Variants in POU3F3 observed in about 807,000 individuals in gnomAD.
POU3F3 encodes the protein POU class 3 homeobox 3, also known as POU domain, class 3, transcription factor 3.
POU3F3 carries 1 observed loss-of-function variant against 8.6 expected under a neutral mutation model. That is an observed-to-expected ratio of 0.12 (90% CI 0.04 to 0.55). The LOEUF (loss-of-function observed/expected upper bound fraction) is 0.55. POU3F3 is among the 20% of genes least tolerant of loss of function. The pLI is 0.91. For missense variants in POU3F3, 577 were observed against 690.7 expected, an observed-to-expected ratio of 0.84 and a Z score of 1.84; for synonymous variants, 418 against 327.4, an observed-to-expected ratio of 1.28 and a Z score of -2.99.
chr2:104,903,644 G>T, the POU3F3 span, among the ~76,000 whole-genome samples: 1 of 152,150 alleles, frequency 6.6e-6, no homozygotes, highest in Non-Finnish European at 1.5e-5. Context: ...ACACGCAAAT[G>T]GCACCAGGCA....
At chr2:104,878,150 T>C in the POU3F3 span, among the ~76,000 whole-genome samples, 2 of 152,184 alleles carry the variant, frequency 1.3e-5, no homozygotes, top group African/African-American at 4.8e-5. Flanking sequence ...TTGGCTGGTT[T>C]CTAGTAGGTC....
At chr2:104,886,331 C>T in the POU3F3 span, among the ~76,000 whole-genome samples, 41 of 152,216 alleles carry the variant, frequency 2.7e-4, no homozygotes, top group Non-Finnish European at 3.2e-4. Context: ...TTTGGATATA[C>T]GTAGGTAAAC....
the POU3F3 span, among the ~76,000 whole-genome samples, chr2:104,900,340 T>G: frequency 6.6e-6 from 1 of 152,162 alleles, no homozygotes; most frequent in African/African-American, 2.4e-5. Context: ...TAGAAAAATA[T>G]GGAATGGTAA....
the POU3F3 span, chr2:104,865,592 T>A: frequency 6.6e-6 from 1 of 152,226 alleles, no homozygotes; most frequent in Non-Finnish European, 1.5e-5. Context: ...GGCAAGCCCA[T>A]TAAGTCGGCT....
chr2:104,876,157 A>G, the POU3F3 span, among the ~76,000 whole-genome samples: 4 of 152,216 alleles, frequency 2.6e-5, no homozygotes, highest in Admixed American at 6.5e-5. Flanking sequence ...AAAGGGCTAT[A>G]TTATTAGTGA....
rs1676571863 is a variant in POU3F3 at position 104,856,575 on chromosome 2, C to T, written c.1065C>T (p.Phe355=). Reference sequence around the variant, plus strand: ...TGGGCACACTCTACGGCAACGTGTTCTCGCAGACCACCATCTGCCGCTTCG... The same window carrying T: ...TGGGCACACTCTACGGCAACGTGTTTTCGCAGACCACCATCTGCCGCTTCG... ...LALGTLYGNV[F]SQTTICRFEA... Residue 355 remains phenylalanine, a synonymous_variant, in exon 1 of 1, where the codon TTC becomes TTT. Transcript: ENST00000361360. 6.2e-7 allele frequency: 1 copy of T among 1,614,072 alleles called. No individual in the cohort carries two copies. Among genetic ancestry groups the T allele is most frequent in the African/African-American group, 1.3e-5 (1 of 74,940 alleles).
chr2:104,916,833 C>G, the POU3F3 span, among the ~76,000 whole-genome samples: 1 of 152,142 alleles, frequency 6.6e-6, no homozygotes. Context: ...ATCAACTTGA[C>G]TGCACTAAGG....
upstream of POU3F3, among the ~76,000 whole-genome samples, chr2:104,854,039 C>T (rs1483017378): frequency 6.6e-6 from 1 of 152,192 alleles, no homozygotes; most frequent in African/African-American, 2.4e-5. The surrounding 1 kb of genome is among the most constrained non-coding windows in gnomAD (Gnocchi z 4.5). Flanking sequence ...AGCCAATCAG[C>T]GGGGGCCCTG....
At chr2:104,875,267 T>A in the POU3F3 span, among the ~76,000 whole-genome samples, 1 of 152,250 alleles carries the variant, frequency 6.6e-6, no homozygotes. Context: ...TTCCACCTTT[T>A]GGCCATTGTG....
the POU3F3 span, among the ~76,000 whole-genome samples, chr2:104,927,331 G>A: frequency 6.6e-6 from 1 of 151,768 alleles, no homozygotes; most frequent in Non-Finnish European, 1.5e-5. Context: ...CCTTTTGGTG[G>A]CTTTTTAAAG....
At chr2:104,893,061 C>G in the POU3F3 span, among the ~76,000 whole-genome samples, 1 of 152,104 alleles carries the variant, frequency 6.6e-6, no homozygotes, top group Non-Finnish European at 1.5e-5. Context: ...GGTGGCTCTG[C>G]AAAATTAAAT....
At chr2:104,912,013 C>T in the POU3F3 span, among the ~76,000 whole-genome samples, 107 of 152,312 alleles carry the variant, frequency 7.0e-4, 1 homozygote, top group Middle Eastern at 0.01. Flanking sequence ...CTGACTGCAG[C>T]GCGCCTGTTG....
chr2:104,876,969 T>A, the POU3F3 span, among the ~76,000 whole-genome samples: 1 of 152,148 alleles, frequency 6.6e-6, no homozygotes, highest in Non-Finnish European at 1.5e-5. Flanking sequence ...AATTGCTCCA[T>A]CTGCCCCCAA....
chr2:104,886,884 G>A, the POU3F3 span, among the ~76,000 whole-genome samples: 1 of 151,674 alleles, frequency 6.6e-6, no homozygotes, highest in Non-Finnish European at 1.5e-5. Flanking sequence ...CTCCAGACTG[G>A]GTGACAAGAG....
the POU3F3 span, among the ~76,000 whole-genome samples, chr2:104,894,451 G>A: frequency 6.6e-6 from 1 of 152,136 alleles, no homozygotes; most frequent in Non-Finnish European, 1.5e-5. Context: ...TGGGTTCCCG[G>A]TCACAGCCCC....
chr2:104,913,695 T>A, the POU3F3 span, among the ~76,000 whole-genome samples: 2 of 152,214 alleles, frequency 1.3e-5, no homozygotes, highest in African/African-American at 4.8e-5. Flanking sequence ...TTGGCATTTT[T>A]AAAACCTTTT....
the POU3F3 span, among the ~76,000 whole-genome samples, chr2:104,877,029 G>A: frequency 6.6e-6 from 1 of 150,714 alleles, no homozygotes; most frequent in Non-Finnish European, 1.5e-5. Context: ...AAGACAAAAG[G>A]AAAAATCATG....
chr2:104,918,498 A>T, the POU3F3 span, among the ~76,000 whole-genome samples: 1 of 152,186 alleles, frequency 6.6e-6, no homozygotes, highest in African/African-American at 2.4e-5. Flanking sequence ...CCCTAATGCA[A>T]GGTGACTGGT....
downstream of POU3F3, among the ~76,000 whole-genome samples, chr2:104,860,536 C>T (rs1161653041): frequency 1.3e-5 from 2 of 151,816 alleles, no homozygotes; most frequent in African/African-American, 2.4e-5. Flanking sequence ...TCAATCCAAC[C>T]CCCCCTCCCC....
Sources: allele counts gnomAD v4.1 joint callset (sites outside exome capture counted in the v4.1 genomes callset), GRCh38; gene constraint gnomAD v4.1.1; non-coding constraint Gnocchi (gnomAD v3.1); transcripts MANE v1.5; gene names NCBI Gene and HGNC (gene_info 2026-07-23, HGNC 2026-07-21).